Variants in RPTN observed in about 807,000 individuals in gnomAD.
RPTN encodes repetin, also known as intermediate filament-associated protein.
In RPTN, 4 loss-of-function variants were observed where a neutral mutation model predicts 3.6. The ratio of observed to expected loss-of-function variants is 1.12; its 90% CI spans 0.55 to 2.55. RPTN has a LOEUF of 2.55. Among genes scored for constraint, RPTN ranks in the 30% most tolerant of loss-of-function variants. RPTN has a pLI of 0.02. For synonymous variants in RPTN, 293 were observed against 319.3 expected, an observed-to-expected ratio of 0.92 and a Z score of 0.88; for missense variants, 860 against 916.7, an observed-to-expected ratio of 0.94 and a Z score of 0.80.
Position 152,153,695 on chromosome 1 carries a change from T to C in RPTN, c.*1049A>G, listed in dbSNP as rs764940348. The C allele has an allele frequency of 1.3e-5, 2 of 152,268 alleles. No homozygotes were observed. The highest frequency in any genetic ancestry group is 2.9e-5 in the Non-Finnish European group (2 of 68,034). 9.4% of individuals were successfully genotyped at this position (152,268 alleles called of 1,614,324 possible). A position where few individuals can be genotyped will look rare whatever the true frequency, so the allele number is the denominator to read the frequency against. On this transcript the variant is annotated 3_prime_UTR_variant, in exon 3 of 3. Transcript: ENST00000316073. ...TCAGGTCTTAGGAGCTATGAATCAA[T>C]AGTCTTGATCCCCTGGAATTTGCAA...
chr1:152,157,683 C>G, intron 2 of RPTN, 69 bp downstream of exon 2: 1 of 1,566,022 alleles, frequency 6.4e-7, no homozygotes, highest in Non-Finnish European at 8.7e-7. Context: ...AACAAAGCAT[C>G]CAACCCTGGT....
intron 1 of RPTN, among the ~76,000 whole-genome samples, chr1:152,158,822 A>G (rs1375612486): frequency 3.9e-5 from 6 of 152,170 alleles, no homozygotes; most frequent in Non-Finnish European, 7.3e-5. Flanking sequence ...ATTCAATGCA[A>G]TGAGACTTGA....
chr1:152,157,035 C>T, intron 2 of RPTN, 75 bp from the exon 3 acceptor site: 1 of 1,313,784 alleles, frequency 7.6e-7, no homozygotes. Context: ...GTGTTCATGC[C>T]CCAATCCATT....
In RPTN at chr1:152,156,463, G is replaced by C; in HGVS notation, c.636C>G (p.His212Gln). ...ATTTAGCCTGGCCACTGGTAGATTT[G>C]TGACTCACTTTTTTACCAGAGCTGG... is the stretch of plus-strand genomic sequence containing the variant. The part of the protein sequence containing the change: ...QDSSSGKKVS[H>Q]KSTSGQAKWQ... The change falls in exon 3 of 3, where the codon CAC becomes CAG. Residue 212 changes from histidine to glutamine, a missense_variant. Transcript: ENST00000316073. The C allele has an allele frequency of 6.2e-7, 1 of 1,614,224 alleles. No homozygotes were observed. Among genetic ancestry groups the C allele is most frequent in the Non-Finnish European group, 8.5e-7 (1 of 1,180,040 alleles).
At position 152,154,206 on chromosome 1, in the gene RPTN, G is replaced by T. The variant is rs1659144711; in HGVS notation, c.*538C>A. The T allele has an allele frequency of 6.3e-6, 1 of 158,980 alleles. No individual in the cohort carries two copies. The highest frequency in any genetic ancestry group is 1.8e-4 in the South Asian group (1 of 5,496). The allele number at this position is 158,980 out of a possible 1,614,324, so 9.8% of individuals were successfully genotyped here. A position where few individuals can be genotyped will look rare whatever the true frequency, so the allele number is the denominator to read the frequency against. Reference sequence around the variant, plus strand: ...ATTATTTCACCCAATTTACCACCTAGATTTCACTGAATCAGAAAACCCTAG... The same window carrying T: ...ATTATTTCACCCAATTTACCACCTATATTTCACTGAATCAGAAAACCCTAG... On this transcript the variant is annotated 3_prime_UTR_variant, in exon 3 of 3. Coordinates refer to ENST00000316073, the MANE Select transcript of RPTN (RefSeq NM_001122965.1).
Position 152,157,785 on chromosome 1 carries a change from T to C in RPTN, c.105A>G (p.Gln35=), listed in dbSNP as rs1659237338. 1 of 1,613,910 alleles carries C rather than the reference T, an allele frequency of 6.2e-7. No homozygotes were observed. Residue 35 remains glutamine, a synonymous_variant, in exon 2 of 3, where the codon CAA becomes CAG. Transcript: ENST00000316073. ...CALLCKEELK[Q]LLLAEFGDIL... The stretch of plus-strand genomic sequence containing the variant: ...TGTCTCCAAACTCAGCCAAGAGCAG[T>C]TGTTTCAACTCTTCCTTGCATAGTA...
rs975633302 is a variant in RPTN, at chr1:152,156,855, C to T, written c.244G>A (p.Val82Ile). Residue 82 changes from valine to isoleucine, a missense_variant, in exon 3 of 3, where the codon GTC becomes ATC. Coordinates refer to ENST00000316073, the MANE Select transcript of RPTN (RefSeq NM_001122965.1). ...TCTAGCTTATGATAGCAGGCTTGGACCAACTGGAACACCAACAAGAGGTAC... is the reference window on the plus strand; with the variant it reads ...TCTAGCTTATGATAGCAGGCTTGGATCAACTGGAACACCAACAAGAGGTAC... ...HEYLLLVFQL[V>I]QACYHKLDNK... 1.2e-6 allele frequency: 2 copies of T among 1,614,172 alleles called. No homozygotes were observed. Among genetic ancestry groups the T allele is most frequent in the Admixed American group, 1.7e-5 (1 of 60,024 alleles).
In RPTN at chr1:152,154,667, T is replaced by TA. The variant is rs1014866414; in HGVS notation, c.*76dup. On this transcript the variant is annotated 3_prime_UTR_variant, in exon 3 of 3. Transcript: ENST00000316073. ...GGATTTTTGATTCTGAGATCCTTGA[T>TA]ACCTCTCTTTCTCCTCATAGTTTTG... is the stretch of plus-strand genomic sequence containing the variant. 9.7e-6 allele frequency: 15 copies of TA among 1,546,202 alleles called. No homozygotes were observed. In the Admixed American group the frequency reaches 2.8e-4, roughly 29 times the overall value.
In RPTN at chr1:152,155,155, T is replaced by C. The variant is rs747578291; in HGVS notation, c.1944A>G (p.Val648=). 8 of 1,614,186 alleles carry C rather than the reference T, an allele frequency of 5.0e-6. No individual in the cohort carries two copies. Among genetic ancestry groups the C allele is most frequent in the East Asian group, 2.2e-5 (1 of 44,890 alleles). ...GTTGGCTATCCTCTTCAGGCTCCCATACCTGGTGGCCGTTCTGCTGTGAGT... is the reference window on the plus strand; with the variant it reads ...GTTGGCTATCCTCTTCAGGCTCCCACACCTGGTGGCCGTTCTGCTGTGAGT... ...SRDSQQNGHQ[V]WEPEEDSQHH... The change falls in exon 3 of 3, where the codon GTA becomes GTG. Residue 648 remains valine (V), a synonymous_variant. Coordinates refer to ENST00000316073, the MANE Select transcript of RPTN (RefSeq NM_001122965.1).
chr1:152,158,932 TC>T (rs1477881086), intron 1 of RPTN, among the ~76,000 whole-genome samples: 12 of 152,226 alleles, frequency 7.9e-5, no homozygotes, highest in Non-Finnish European at 4.4e-5. Flanking sequence ...ACTAAGCTAT[TC>T]ATCAATTGTT....
Position 152,154,213 on chromosome 1 carries a change from C to G in RPTN, c.*531G>C, listed in dbSNP as rs1659144890. The G allele has an allele frequency of 6.3e-6, 1 of 158,822 alleles. No individual in the cohort carries two copies. Among genetic ancestry groups the G allele is most frequent in the Admixed American group, 5.9e-5 (1 of 16,898 alleles). 9.8% of individuals were successfully genotyped at this position (158,822 alleles called of 1,614,324 possible). A position where few individuals can be genotyped will look rare whatever the true frequency, so the allele number is the denominator to read the frequency against. On this transcript the variant is annotated 3_prime_UTR_variant, in exon 3 of 3. Coordinates refer to ENST00000316073, the MANE Select transcript of RPTN (RefSeq NM_001122965.1). ...CACCCAATTTACCACCTAGATTTCACTGAATCAGAAAACCCTAGAATTGCT... is the reference window on the plus strand; with the variant it reads ...CACCCAATTTACCACCTAGATTTCAGTGAATCAGAAAACCCTAGAATTGCT...
At position 152,154,733 on chromosome 1, in the gene RPTN, G is replaced by A. The variant is rs754280047; in HGVS notation, c.*11C>T. The A allele has an allele frequency of 3.1e-6, 5 of 1,613,202 alleles. No homozygotes were observed. The highest frequency in any genetic ancestry group is 1.1e-5 in the South Asian group (1 of 90,998). On this transcript the variant is annotated 3_prime_UTR_variant, in exon 3 of 3. Coordinates refer to ENST00000316073, the MANE Select transcript of RPTN (RefSeq NM_001122965.1). Reference sequence around the variant, plus strand: ...CTGATGGTTTTGATCCTCTTCATGAGTTTGCCTGTCTCATCTCTGATGGTT... The same window carrying A: ...CTGATGGTTTTGATCCTCTTCATGAATTTGCCTGTCTCATCTCTGATGGTT...
rs749620756 is a variant in RPTN at position 152,156,182 on chromosome 1, T to C, written c.917A>G (p.His306Arg). 1 of 1,613,828 alleles carries C rather than the reference T, an allele frequency of 6.2e-7. No homozygotes were observed. Among genetic ancestry groups the C allele is most frequent in the African/African-American group, 1.3e-5 (1 of 74,886 alleles). Residue 306 changes from histidine to arginine, a missense_variant, in exon 3 of 3, where the codon CAT (histidine) becomes CGT (arginine). His to Arg is a conservative substitution (Grantham distance 29). Transcript: ENST00000316073. ...GCCTTGTCTGTCTGTCTGACCATAATGATAACTCTGGTCTTGTCTGTCCGT... is the reference window on the plus strand; with the variant it reads ...GCCTTGTCTGTCTGTCTGACCATAACGATAACTCTGGTCTTGTCTGTCCGT... Reference protein sequence around the residue: ...GQTDRQDQSYHYGQTDRQGQS... With the variant: ...GQTDRQDQSYRYGQTDRQGQS...
rs1316105969 is a variant in RPTN at position 152,155,334 on chromosome 1, C to G, written c.1765G>C (p.Gly589Arg). The change falls in exon 3 of 3, where the codon GGG (glycine) becomes CGG (arginine). Residue 589 changes from glycine to arginine, a missense_variant. By Grantham distance (125) the Gly-to-Arg change is moderately radical (BLOSUM62 -2). Coordinates refer to ENST00000316073, the MANE Select transcript of RPTN (RefSeq NM_001122965.1). ...TACTTATTTTGCCCTTGTATTTCCC[C>G]AGTCTGTGATTGAATATAGTGGGAA... ...QSSHYIQSQT[G>R]EIQGQNKYFQ... The G allele has an allele frequency of 2.5e-6, 4 of 1,614,226 alleles. No individual in the cohort carries two copies. The highest frequency in any genetic ancestry group is 3.4e-6 in the Non-Finnish European group (4 of 1,180,044).
At chr1:152,157,984 C>G in intron 1 of RPTN, 75 bp from the exon 2 acceptor site, 2 of 1,257,782 alleles carry the variant, frequency 1.6e-6, no homozygotes, top group Non-Finnish European at 2.3e-6. Flanking sequence ...GGAAAGTGAC[C>G]CCTCTGGATC....
Position 152,156,205 on chromosome 1 carries a change from C to T in RPTN, c.894G>A (p.Thr298=), listed in dbSNP as rs112678204. 32 of 1,600,124 alleles carry T rather than the reference C, an allele frequency of 2.0e-5. No individual in the cohort carries two copies. Among genetic ancestry groups the T allele is most frequent in the African/African-American group, 8.3e-5 (6 of 72,572 alleles). Residue 298 remains threonine (T), a synonymous_variant, in exon 3 of 3, where the codon ACG becomes ACA. Transcript: ENST00000316073. ...AATGATAACTCTGGTCTTGTCTGTC[C>T]GTCTGACCGTAGTGGGAACTCTGGC... The part of the protein sequence containing the change: ...RQGQSSHYGQ[T]DRQDQSYHYG...
rs969631471 is a variant in RPTN at position 152,155,501 on chromosome 1, G to A, written c.1598C>T (p.Ser533Phe). The part of the protein sequence containing the change: ...YGQPDRQGQS[S>F]HYSQMDRQGQ... ...TTGTCTGTCCATCTGACTGTAGTGG[G>A]AACTCTGGCCTTGTCTGTCTGGCTG... Residue 533 changes from serine (S) to phenylalanine (F), a missense_variant, in exon 3 of 3, where the codon TCC becomes TTC. Ser to Phe is a radical substitution (Grantham distance 155). Coordinates refer to ENST00000316073, the MANE Select transcript of RPTN (RefSeq NM_001122965.1). 1.7e-5 allele frequency: 27 copies of A among 1,608,318 alleles called. No individual in the cohort carries two copies. Among genetic ancestry groups the A allele is most frequent in the Non-Finnish European group, 2.2e-5 (26 of 1,177,614 alleles).
In RPTN at chr1:152,154,207, A is replaced by ATT. The variant is rs571695404; in HGVS notation, c.*535_*536dup. On this transcript the variant is annotated 3_prime_UTR_variant, in exon 3 of 3. Transcript: ENST00000316073. ...TTATTTCACCCAATTTACCACCTAGATTTCACTGAATCAGAAAACCCTAGA... is the reference window on the plus strand; with the variant it reads ...TTATTTCACCCAATTTACCACCTAGATTTTTCACTGAATCAGAAAACCCTAGA... 332 of 159,270 alleles carry ATT rather than the reference A, an allele frequency of 2.1e-3. 1 individual carries two copies. Among genetic ancestry groups the ATT allele is most frequent in the African/African-American group, 7.7e-3 (321 of 41,616 alleles). 9.9% of individuals were successfully genotyped at this position (159,270 alleles called of 1,614,324 possible).
Position 152,155,349 on chromosome 1 carries a change from T to G in RPTN, c.1750A>C (p.Ile584Leu), listed in dbSNP as rs780458174. The G allele has an allele frequency of 1.2e-6, 2 of 1,614,160 alleles. No individual in the cohort carries two copies. The highest frequency in any genetic ancestry group is 2.7e-5 in the African/African-American group (2 of 74,952). The change falls in exon 3 of 3, where the codon ATT becomes CTT. Residue 584 changes from isoleucine (I) to leucine (L), a missense_variant. Coordinates refer to ENST00000316073, the MANE Select transcript of RPTN (RefSeq NM_001122965.1). ...TDRQGQSSHY[I>L]QSQTGEIQGQ... ...TGTATTTCCCCAGTCTGTGATTGAA[T>G]ATAGTGGGAACTCTGGCCTTGTCTG...
Sources: allele counts gnomAD v4.1 joint callset (sites outside exome capture counted in the v4.1 genomes callset), GRCh38; gene constraint gnomAD v4.1.1; transcripts MANE v1.5; gene names NCBI Gene and HGNC (gene_info 2026-07-23, HGNC 2026-07-21).